Variants in GPHN observed in about 807,000 individuals in gnomAD.
GPHN encodes the protein gephyrin.
Under a neutral mutation model 95.5 loss-of-function variants are expected in GPHN, and 17 were observed. That is an observed-to-expected ratio of 0.18 (90% CI 0.12 to 0.27). GPHN has a LOEUF of 0.27. GPHN is among the 10% of genes least tolerant of loss of function. The probability of loss-of-function intolerance (pLI) is 1.00; values close to 1 mark genes in which losing one functional copy is unlikely to be tolerated. For missense variants in GPHN, 660 were observed against 978.1 expected (o/e 0.67, Z 4.34); for synonymous variants, 320 against 322.5 (o/e 0.99, Z 0.08).
chr14:67,550,337 C>T, the GPHN span, among the ~76,000 whole-genome samples: 125 of 152,262 alleles, frequency 8.2e-4, 1 homozygote, highest in African/African-American at 2.9e-3. Context: ...CACAGTTGCA[C>T]ACCAACATGC....
the GPHN span, among the ~76,000 whole-genome samples, chr14:67,466,031 C>T: frequency 6.6e-6 from 1 of 152,154 alleles, no homozygotes; most frequent in Non-Finnish European, 1.5e-5. Context: ...TTGACTTCTG[C>T]CTTCCAGAAG....
At chr14:67,578,693 G>A in the GPHN span, 3 of 1,061,382 alleles carry the variant, frequency 2.8e-6, no homozygotes, top group Admixed American at 4.0e-5. The surrounding 1 kb of genome is among the most constrained non-coding windows in gnomAD (Gnocchi z 5.0). Context: ...ATGAATAAGA[G>A]GGATGAGAGG....
At chr14:67,395,570 A>C in the GPHN span, 1 of 1,614,132 alleles carries the variant, frequency 6.2e-7, no homozygotes, top group Non-Finnish European at 8.5e-7. Context: ...TTGAGTCTTC[A>C]GCTTAATGAG....
chr14:67,169,870 A>G (rs2082497829), intron 21 of GPHN, among the ~76,000 whole-genome samples: 1 of 152,242 alleles, frequency 6.6e-6, no homozygotes, highest in South Asian at 2.1e-4. Context: ...TGAGGTCAGG[A>G]GTTCAAGACC....
chr14:66,606,522 G>C (rs2062544179), intron 1 of GPHN, among the ~76,000 whole-genome samples: 1 of 152,152 alleles, frequency 6.6e-6, no homozygotes. Context: ...AATGATGTTG[G>C]TAGTTTGATA....
chr14:67,436,661 C>T, the GPHN span, among the ~76,000 whole-genome samples: 1 of 152,226 alleles, frequency 6.6e-6, no homozygotes, highest in Admixed American at 6.5e-5. Flanking sequence ...CCACAAGTTC[C>T]TCCCATAGGG....
the GPHN span, chr14:67,374,505 G>A: frequency 1.9e-6 from 3 of 1,607,188 alleles, no homozygotes; most frequent in Non-Finnish European, 2.6e-6. Flanking sequence ...TTTCTCCAGA[G>A]GAAGCAATCA....
chr14:67,452,124 G>A, the GPHN span, among the ~76,000 whole-genome samples: 1 of 152,160 alleles, frequency 6.6e-6, no homozygotes, highest in Non-Finnish European at 1.5e-5. Flanking sequence ...CTGAGGTCAG[G>A]AGTTTGAGAC....
the GPHN span, among the ~76,000 whole-genome samples, chr14:67,451,783 G>C: frequency 6.6e-6 from 1 of 152,202 alleles, no homozygotes; most frequent in Non-Finnish European, 1.5e-5. Context: ...ATGCTGAAAT[G>C]AGTTAGGACT....
chr14:67,318,342 T>C, the GPHN span, among the ~76,000 whole-genome samples: 1 of 152,214 alleles, frequency 6.6e-6, no homozygotes, highest in Non-Finnish European at 1.5e-5. Flanking sequence ...AAAATAAATA[T>C]CCTTTAATGC....
chr14:66,739,202 A>G lies in GPHN; in HGVS notation c.144-37262A>G, dbSNP rs569802113. On this transcript the variant is annotated intron_variant, in intron 2 of 22. Coordinates refer to ENST00000478722, the MANE Select transcript of GPHN (RefSeq NM_020806.5). ...TTGTCTGCACTGTATAAAAAAATTT[A>G]CATTTTTTCTTACAGCTTTTTTTTT... Among the ~76,000 whole-genome samples the G allele has an allele frequency of 3.8e-3, 566 of 149,788 alleles. 5 individuals are homozygous for G. The highest frequency in any genetic ancestry group is 0.013 in the African/African-American group (543 of 40,238).
At chr14:67,583,641 T>G in the GPHN span, 4 of 829,026 alleles carry the variant, frequency 4.8e-6, no homozygotes, top group Admixed American at 1.2e-4. Context: ...ACCCCACCAA[T>G]AGGGTAATAA....
the GPHN span, chr14:67,573,334 AGAGGCGCTGGTTTGTCCT>A: frequency 6.2e-7 from 1 of 1,613,846 alleles, no homozygotes; most frequent in East Asian, 2.2e-5. This position sits in a 1 kb window ranked among gnomAD's most constrained non-coding sequence, Gnocchi z 4.8. Flanking sequence ...AAGACGTGGA[AGAGGCGCTGGTTTGTCCT>A]GAGACAGGGA....
At chr14:67,633,400 T>A in the GPHN span, among the ~76,000 whole-genome samples, 1 of 152,218 alleles carries the variant, frequency 6.6e-6, no homozygotes, top group Non-Finnish European at 1.5e-5. Flanking sequence ...GAGGTGACAT[T>A]TCAGCGATAC....
At chr14:66,685,405 A>G (rs2067280100) in intron 2 of GPHN, among the ~76,000 whole-genome samples, 1 of 152,184 alleles carries the variant, frequency 6.6e-6, no homozygotes. Context: ...CATCCTCTCC[A>G]GCACCTGTTA....
At chr14:66,733,376 G>GAAAT (rs2071973496) in intron 2 of GPHN, among the ~76,000 whole-genome samples, 1 of 150,674 alleles carries the variant, frequency 6.6e-6, no homozygotes, top group Non-Finnish European at 1.5e-5. Flanking sequence ...GACTAATACA[G>GAAAT]ACACCTAGCA....
the GPHN span, among the ~76,000 whole-genome samples, chr14:67,233,852 A>G: frequency 6.6e-6 from 1 of 152,250 alleles, no homozygotes; most frequent in East Asian, 1.9e-4. Flanking sequence ...AAAATTTGCA[A>G]TACTCATTAG....
chr14:67,340,864 C>T, the GPHN span, among the ~76,000 whole-genome samples: 22 of 152,292 alleles, frequency 1.4e-4, no homozygotes, highest in African/African-American at 2.6e-4. Context: ...TTGGTGGAGA[C>T]GGGGTTTCGC....
chr14:67,303,681 C>A, the GPHN span: 3 of 949,228 alleles, frequency 3.2e-6, no homozygotes, highest in Non-Finnish European at 3.4e-6. Context: ...ACAGAAATGT[C>A]ACTGTTTCCT....
Sources: gnomAD v4.1 joint callset for allele counts (sites outside exome capture counted in the v4.1 genomes callset) on GRCh38, gnomAD v4.1.1 for gene constraint, Gnocchi (gnomAD v3.1) non-coding constraint, MANE v1.5 for transcripts, NCBI Gene and HGNC (gene_info 2026-07-23, HGNC 2026-07-21) for gene names.